The following IL1RAPL1 variants were observed in gnomAD, a reference collection of about 807,000 sequenced individuals.
The protein encoded by IL1RAPL1 is interleukin 1 receptor accessory protein like 1, also known as interleukin-1 receptor accessory protein-like 1.
A neutral mutation model predicts 48.4 loss-of-function variants in IL1RAPL1; 3 were observed. The observed-to-expected ratio is 0.06, with a 90% CI of 0.03 to 0.16. The LOEUF is 0.16. IL1RAPL1 is among the 10% of genes least tolerant of loss of function. The probability of loss-of-function intolerance (pLI) is 1.00; values close to 1 mark genes in which losing one functional copy is unlikely to be tolerated. For synonymous variants in IL1RAPL1, 185 were observed against 187.7 expected (o/e 0.99, Z 0.12); for missense variants, 349 against 530.6 (o/e 0.66, Z 3.36).
intron 6 of IL1RAPL1, among the ~76,000 whole-genome samples, chrX:29,677,121 A>G (rs774453961): frequency 2.9e-4 from 33 of 112,299 alleles, no homozygotes; most frequent in African/African-American, 9.4e-4. Flanking sequence ...GAATATAAAG[A>G]GATACATTCA....
chrX:29,050,071 C>G (rs1317815699), intron 2 of IL1RAPL1, among the ~76,000 whole-genome samples: 1 of 111,338 alleles, frequency 9.0e-6, no homozygotes. Context: ...CCTTGTTTTC[C>G]ATGACTATCA....
At chrX:29,953,937 C>A (rs1032213742) in intron 9 of IL1RAPL1, among the ~76,000 whole-genome samples, 3 of 110,740 alleles carry the variant, frequency 2.7e-5, no homozygotes, top group African/African-American at 9.9e-5. Flanking sequence ...ATCTGTGCAT[C>A]AAAAATGGTG....
chrX:28,712,968 T>C lies in IL1RAPL1; in HGVS notation c.-24-76352T>C, dbSNP rs191798191. 4.5e-3 allele frequency among the ~76,000 whole-genome samples: 510 copies of C among 112,219 alleles called. 1 individual carries two copies. The highest frequency in any genetic ancestry group is 0.011 in the Admixed American group (114 of 10,545). ...GCTAAATAATATTTAGCTAGGAATG[T>C]AGTTCCTTATTATTGGCTGTTATGC... On this transcript the variant is annotated intron_variant, in intron 1 of 10. Coordinates refer to ENST00000378993, the MANE Select transcript of IL1RAPL1 (RefSeq NM_014271.4).
intron 3 of IL1RAPL1, among the ~76,000 whole-genome samples, chrX:29,371,613 CCA>C (rs1053860519): frequency 9.0e-6 from 1 of 111,556 alleles, no homozygotes; most frequent in African/African-American, 3.3e-5. Flanking sequence ...CTCTAGTAAT[CCA>C]CAGTGTCTAT....
chrX:29,342,044 T>G (rs1448141907), intron 3 of IL1RAPL1, among the ~76,000 whole-genome samples: 4 of 109,881 alleles, frequency 3.6e-5, no homozygotes, highest in African/African-American at 1.3e-4. Context: ...CCTGACCTCG[T>G]GATCCACCCA....
chrX:29,066,957 G>C (rs1411284808), intron 2 of IL1RAPL1, among the ~76,000 whole-genome samples: 2 of 111,449 alleles, frequency 1.8e-5, no homozygotes, highest in African/African-American at 3.3e-5. Context: ...TCCATTCTGC[G>C]GTGCAGAGTG....
intron 2 of IL1RAPL1, among the ~76,000 whole-genome samples, chrX:28,872,243 C>T (rs1040473472): frequency 9.0e-6 from 1 of 110,989 alleles, no homozygotes; most frequent in Non-Finnish European, 1.9e-5. Context: ...TGGTCTCAAA[C>T]CCCTGGGGTC....
intron 2 of IL1RAPL1, among the ~76,000 whole-genome samples, chrX:28,838,223 G>C (rs111853562): frequency 0.016 from 1,787 of 111,295 alleles, 37 homozygotes; most frequent in African/African-American, 0.055. Flanking sequence ...CCTCATTTGA[G>C]AGTTCTAGAA....
intron 5 of IL1RAPL1, among the ~76,000 whole-genome samples, chrX:29,612,428 A>G (rs1372767929): frequency 4.5e-5 from 5 of 110,376 alleles, no homozygotes; most frequent in African/African-American, 1.6e-4. Context: ...AAAAAAAAGG[A>G]TATTAGAACT....
At chrX:28,693,214 G>T (rs1935197760) in intron 1 of IL1RAPL1, among the ~76,000 whole-genome samples, 1 of 111,971 alleles carries the variant, frequency 8.9e-6, no homozygotes, top group Admixed American at 9.5e-5. Flanking sequence ...CTGTCTTTGT[G>T]GGGTGAGAAC....
At chrX:28,762,823 C>CACAGAGAG (rs1268556014) in intron 1 of IL1RAPL1, among the ~76,000 whole-genome samples, 4 of 36,776 alleles carry the variant, frequency 1.1e-4, no homozygotes, top group South Asian at 1.5e-3. Context: ...CACACACACA[C>CACAGAGAG]AGAGAGAGAG....
chrX:29,947,148 T>C (rs750403406), intron 9 of IL1RAPL1, among the ~76,000 whole-genome samples: 1 of 111,645 alleles, frequency 9.0e-6, no homozygotes, highest in Non-Finnish European at 1.9e-5. Context: ...AGAGTAGAAC[T>C]TATACTAACA....
At chrX:29,608,622 C>T (rs190399237) in intron 5 of IL1RAPL1, among the ~76,000 whole-genome samples, 1,289 of 109,245 alleles carry the variant, frequency 0.012, 13 homozygotes, top group African/African-American at 0.034. Context: ...GTCAGGAGAT[C>T]GAGACCATCC....
intron 2 of IL1RAPL1, among the ~76,000 whole-genome samples, chrX:28,949,935 T>G (rs1924408715): frequency 9.0e-6 from 1 of 110,555 alleles, no homozygotes; most frequent in African/African-American, 3.3e-5. Flanking sequence ...CAGAAGCTCT[T>G]TAGTTTAATT....
intron 5 of IL1RAPL1, among the ~76,000 whole-genome samples, chrX:29,423,864 A>C (rs1447458036): frequency 3.6e-5 from 4 of 111,945 alleles, no homozygotes; most frequent in African/African-American, 1.3e-4. Context: ...CCTGTACTTC[A>C]ATTTGATAGA....
At chrX:29,494,918 A>G (rs1322209690) in intron 5 of IL1RAPL1, among the ~76,000 whole-genome samples, 2 of 111,992 alleles carry the variant, frequency 1.8e-5, no homozygotes, top group Non-Finnish European at 3.8e-5. Flanking sequence ...TCGAGTTCCT[A>G]TGTCTCAGTT....
chrX:29,867,142 G>T (rs1931710846), intron 6 of IL1RAPL1, among the ~76,000 whole-genome samples: 1 of 108,158 alleles, frequency 9.2e-6, no homozygotes, highest in African/African-American at 3.5e-5. Context: ...ATATATATTG[G>T]TAAAAAAAAA....
intron 2 of IL1RAPL1, among the ~76,000 whole-genome samples, chrX:29,271,386 G>C (rs1932039973): frequency 8.9e-6 from 1 of 112,070 alleles, no homozygotes; most frequent in African/African-American, 3.2e-5. Context: ...ACCCGATAAT[G>C]GGATTGCTGG....
chrX:28,979,450 T>C (rs1177976194), intron 2 of IL1RAPL1, among the ~76,000 whole-genome samples: 2 of 112,357 alleles, frequency 1.8e-5, no homozygotes, highest in Non-Finnish European at 3.8e-5. Flanking sequence ...AATTGTATCA[T>C]CATTGCTTTT....
Sources: allele counts gnomAD v4.1 joint callset (sites outside exome capture counted in the v4.1 genomes callset), GRCh38; gene constraint gnomAD v4.1.1; transcripts MANE v1.5; gene names NCBI Gene and HGNC (gene_info 2026-07-23, HGNC 2026-07-21).